PALM2AKAP2: variants seen among roughly 807,000 people sequenced by gnomAD.
PALM2AKAP2 encodes PALM2 and AKAP2 fusion, also known as PALM2-AKAP2 fusion protein.
A neutral mutation model predicts 71.5 loss-of-function variants in PALM2AKAP2; 37 were observed. The ratio of observed to expected loss-of-function variants is 0.52; its 90% CI spans 0.40 to 0.68. The LOEUF (loss-of-function observed/expected upper bound fraction) is 0.68. Ranked by LOEUF, PALM2AKAP2 falls within the 30% of genes least tolerant of loss-of-function variation. The pLI, the probability that PALM2AKAP2 is intolerant of heterozygous loss-of-function variation, is 0.00. For synonymous variants in PALM2AKAP2, 468 were observed against 478.8 expected, an observed-to-expected ratio of 0.98 and a Z score of 0.29; for missense variants, 1,224 against 1,191.8, an observed-to-expected ratio of 1.03 and a Z score of -0.40.
At chr9:110,034,600 T>TC (rs1161913549) in intron 7 of PALM2AKAP2, among the ~76,000 whole-genome samples, 75 of 145,536 alleles carry the variant, frequency 5.2e-4, no homozygotes, top group African/African-American at 1.5e-3. Flanking sequence ...AGCCATATAT[T>TC]CCCCTTTTTT....
chr9:109,857,959 G>A (rs894399449), intron 1 of PALM2AKAP2, among the ~76,000 whole-genome samples: 7 of 152,192 alleles, frequency 4.6e-5, no homozygotes, highest in African/African-American at 1.7e-4. Context: ...CAACTGAATT[G>A]TTGTTGCATG....
intron 1 of PALM2AKAP2, among the ~76,000 whole-genome samples, chr9:109,691,529 G>A (rs1827883874): frequency 6.6e-6 from 1 of 151,874 alleles, no homozygotes; most frequent in African/African-American, 2.4e-5. Context: ...GGACAATGGT[G>A]TTCTTTGTAG....
intron 1 of PALM2AKAP2, among the ~76,000 whole-genome samples, chr9:110,088,969 G>A (rs375666376): frequency 7.2e-5 from 11 of 151,972 alleles, no homozygotes; most frequent in East Asian, 5.8e-4. Context: ...ATCCACCTGC[G>A]TTGGCCTCCC....
At chr9:110,039,711 AG>A in intron 7 of PALM2AKAP2, among the ~76,000 whole-genome samples, 5 of 152,184 alleles carry the variant, frequency 3.3e-5, no homozygotes, top group African/African-American at 1.2e-4. Flanking sequence ...CAGCAGCAGC[AG>A]CAGCACCTAT....
intron 1 of PALM2AKAP2, chr9:109,760,339 A>C (rs1367974209): frequency 1.3e-5 from 2 of 152,212 alleles, no homozygotes. Context: ...AAATTGAGAA[A>C]AACACAGAAG....
At chr9:110,106,580 T>A (rs73532148) in intron 1 of PALM2AKAP2, among the ~76,000 whole-genome samples, 4,511 of 152,134 alleles carry the variant, frequency 0.03, 215 homozygotes, top group African/African-American at 0.1. Flanking sequence ...TGATGGGTGC[T>A]TAGCTTGATG....
chr9:109,741,659 A>G, intron 1 of PALM2AKAP2, among the ~76,000 whole-genome samples: 1 of 152,170 alleles, frequency 6.6e-6, no homozygotes, highest in East Asian at 1.9e-4. Flanking sequence ...TGTTCTAATC[A>G]TTCTGGACAG....
At chr9:109,825,636 G>C (rs1828127332) in intron 1 of PALM2AKAP2, among the ~76,000 whole-genome samples, 1 of 152,194 alleles carries the variant, frequency 6.6e-6, no homozygotes, top group Admixed American at 6.5e-5. Flanking sequence ...CTGGCCATCA[G>C]AGAAATGCAA....
chr9:109,769,853 A>T (rs1829229048), intron 1 of PALM2AKAP2, among the ~76,000 whole-genome samples: 1 of 152,136 alleles, frequency 6.6e-6, no homozygotes, highest in Admixed American at 6.5e-5. Flanking sequence ...CCTGGGAGGC[A>T]AGAATAGATT....
At position 109,706,667 on chromosome 9, in the gene PALM2AKAP2, T is replaced by A. The variant is rs776992996; in HGVS notation, c.5+65801T>A. Among the ~76,000 whole-genome samples, 136 of 152,206 alleles carry A rather than the reference T, an allele frequency of 8.9e-4. 2 individuals carry two copies. Among genetic ancestry groups the A allele is most frequent in the Non-Finnish European group, 2.5e-4 (17 of 68,044 alleles). On this transcript the variant is annotated intron_variant, in intron 1 of 6. Transcript: ENST00000374531. ...AAAGTAGAAACAACACAAATGTCTG[T>A]CAATGGAAAAATAGATAAAGAAAAT...
chr9:109,718,407 C>T (rs904382111), intron 1 of PALM2AKAP2, among the ~76,000 whole-genome samples: 1 of 152,092 alleles, frequency 6.6e-6, no homozygotes, highest in African/African-American at 2.4e-5. Flanking sequence ...AGGTATTACA[C>T]AAAAATGTTT....
chr9:110,162,247 T>C (rs565070128), intron 3 of PALM2AKAP2, 115 bp downstream of exon 10: 1 of 1,478,600 alleles, frequency 6.8e-7, no homozygotes, highest in South Asian at 1.1e-5. Context: ...ATGACTTGTC[T>C]CCATATGTAT....
intron 1 of PALM2AKAP2, among the ~76,000 whole-genome samples, chr9:110,118,431 A>G (rs1473272411): frequency 3.3e-5 from 5 of 151,950 alleles, no homozygotes; most frequent in East Asian, 1.9e-4. Flanking sequence ...TATTTTTAGT[A>G]GAGACAGGAT....
At chr9:110,161,240 C>T (rs1259201846) in intron 3 of PALM2AKAP2, among the ~76,000 whole-genome samples, 12 of 152,196 alleles carry the variant, frequency 7.9e-5, no homozygotes, top group Non-Finnish European at 1.0e-4. Flanking sequence ...TCAGCAATCA[C>T]AGATGTGTGA....
At chr9:110,091,589 A>G (rs770671726) in intron 1 of PALM2AKAP2, among the ~76,000 whole-genome samples, 2 of 148,756 alleles carry the variant, frequency 1.3e-5, no homozygotes, top group Non-Finnish European at 3.0e-5. Context: ...CAGCCTCCCG[A>G]GTAGCTGGGA....
intron 1 of PALM2AKAP2, chr9:110,125,452 A>T: frequency 1.0e-6 from 1 of 966,256 alleles, no homozygotes; most frequent in Non-Finnish European, 1.2e-6. Context: ...TTTAGGGAGC[A>T]GAGGGAGGGC....
intron 1 of PALM2AKAP2, among the ~76,000 whole-genome samples, chr9:110,105,650 T>C (rs1472103823): frequency 6.6e-6 from 1 of 152,236 alleles, no homozygotes; most frequent in African/African-American, 2.4e-5. Context: ...CATTGGTGCT[T>C]AACCCACAGA....
At chr9:110,147,236 AAG>A (rs1428667504) in intron 2 of PALM2AKAP2, among the ~76,000 whole-genome samples, 1 of 148,824 alleles carries the variant, frequency 6.7e-6, no homozygotes, top group Non-Finnish European at 1.5e-5. Context: ...GCAACAAAGC[AAG>A]ACTCTGTCTC....
chr9:110,025,424 A>G lies in PALM2AKAP2; in HGVS notation c.582+9385A>G. On this transcript the variant is annotated intron_variant, in intron 7 of 9. Coordinates refer to the PALM2AKAP2 transcript ENST00000302798. ...CTTTTTTTTTTTTTGTTCCTTCACA[A>G]GTTGATGGATTTTGAGGTTGTTTCT... 3 of 699,468 alleles carry G rather than the reference A, an allele frequency of 4.3e-6. No individual in the cohort carries two copies. The South Asian group carries it at 4.7e-5, about 11-fold the overall frequency. 43.3% of individuals were successfully genotyped at this position (699,468 alleles called of 1,614,324 possible). A position where few individuals can be genotyped will look rare whatever the true frequency, so the allele number is the denominator to read the frequency against.
Sources: allele counts gnomAD v4.1 joint callset (sites outside exome capture counted in the v4.1 genomes callset), GRCh38; gene constraint gnomAD v4.1.1; transcripts MANE v1.5; gene names NCBI Gene and HGNC (gene_info 2026-07-23, HGNC 2026-07-21).